USH2A: variants seen among roughly 807,000 people sequenced by gnomAD.
The protein encoded by USH2A is usherin.
In USH2A, 443 loss-of-function variants were observed where a neutral mutation model predicts 538.9. The observed-to-expected ratio is 0.82, with a 90% CI of 0.76 to 0.89. The LOEUF is 0.89. USH2A is among the 40% of genes least tolerant of loss of function. USH2A has a pLI of 0.00. For synonymous variants in USH2A, 2,413 were observed against 2,273.5 expected (o/e 1.06, Z -1.75); for missense variants, 6,633 against 6,324.8 (o/e 1.05, Z -1.65).
chr1:216,049,118 A>G (rs1206563338), intron 30 of USH2A, among the ~76,000 whole-genome samples: 1 of 152,220 alleles, frequency 6.6e-6, no homozygotes, highest in African/African-American at 2.4e-5. Context: ...TGCTACTCCC[A>G]AGAGTGGCTT....
chr1:215,765,068 T>G (rs921265050), intron 56 of USH2A, among the ~76,000 whole-genome samples: 1 of 152,112 alleles, frequency 6.6e-6, no homozygotes, highest in Non-Finnish European at 1.5e-5. Flanking sequence ...ATGTAAGTCA[T>G]TTCAAGAAAT....
chr1:215,779,130 G>A (rs1302007924), intron 55 of USH2A, among the ~76,000 whole-genome samples: 1 of 152,200 alleles, frequency 6.6e-6, no homozygotes, highest in African/African-American at 2.4e-5. Context: ...ATCAGGCAGT[G>A]AGAGGTCTAT....
At position 216,259,211 on chromosome 1, in the gene USH2A, C is replaced by T. The variant is rs562555813; in HGVS notation, c.1972-8113G>A. 3.4e-4 allele frequency among the ~76,000 whole-genome samples: 51 copies of T among 152,050 alleles called. No homozygotes were observed. The South Asian group carries it at 9.8e-3, about 29-fold the overall frequency. On this transcript the variant is annotated intron_variant, in intron 11 of 71. Transcript: ENST00000307340. ...ATTAGCAGAGGTGAAATGCACACTGCGATGTTTAGAAGCTTAAGAAATAGC... is the reference window on the plus strand; with the variant it reads ...ATTAGCAGAGGTGAAATGCACACTGTGATGTTTAGAAGCTTAAGAAATAGC...
At chr1:215,898,920 T>C (rs1665418163) in intron 40 of USH2A, among the ~76,000 whole-genome samples, 1 of 152,174 alleles carries the variant, frequency 6.6e-6, no homozygotes, top group Admixed American at 6.5e-5. Flanking sequence ...AATGATACCC[T>C]TGAGAACAAA....
At chr1:215,629,845 G>C (rs1206912532) in intron 70 of USH2A, among the ~76,000 whole-genome samples, 6 of 142,180 alleles carry the variant, frequency 4.2e-5, no homozygotes, top group Non-Finnish European at 7.5e-5. Flanking sequence ...GTGCAATCTC[G>C]GCTCACTGCA....
chr1:215,970,698 C>T lies in USH2A; in HGVS notation c.6884G>A (p.Gly2295Glu). 1 of 1,613,686 alleles carries T rather than the reference C, an allele frequency of 6.2e-7. No homozygotes were observed. Among genetic ancestry groups the T allele is most frequent in the Non-Finnish European group, 8.5e-7 (1 of 1,179,732 alleles). Reference sequence around the variant, plus strand: ...GGAATGTAAACTCCAAGGAGCAAATCCGTAAGCACGATAGCTGAGTTCTGA... The same window carrying T: ...GGAATGTAAACTCCAAGGAGCAAATTCGTAAGCACGATAGCTGAGTTCTGA... ...NSSELSYRAY[G>E]FAPWSLHSFR... Residue 2295 changes from glycine (G) to glutamate (E), a missense_variant, in exon 36 of 72, where the codon GGA (glycine) becomes GAA (glutamate). Transcript: ENST00000307340.
At chr1:216,021,944 T>C (rs1244004366) in intron 32 of USH2A, among the ~76,000 whole-genome samples, 1 of 152,082 alleles carries the variant, frequency 6.6e-6, no homozygotes, top group African/African-American at 2.4e-5. Flanking sequence ...CATGAGTGGC[T>C]TGGCATCATT....
chr1:216,044,242 G>A (rs2030419984), intron 32 of USH2A, among the ~76,000 whole-genome samples: 1 of 152,130 alleles, frequency 6.6e-6, no homozygotes, highest in Non-Finnish European at 1.5e-5. Context: ...CACGTGGGGA[G>A]CAAAAGGATT....
intron 69 of USH2A, among the ~76,000 whole-genome samples, chr1:215,636,135 A>G (rs1656476228): frequency 6.6e-6 from 1 of 152,172 alleles, no homozygotes; most frequent in African/African-American, 2.4e-5. Context: ...CAGAAGAACA[A>G]GCAGACACAA....
At chr1:216,319,539 A>G (rs2037568581) in intron 9 of USH2A, among the ~76,000 whole-genome samples, 1 of 152,306 alleles carries the variant, frequency 6.6e-6, no homozygotes, top group South Asian at 2.1e-4. Context: ...GCAAGTATTG[A>G]CTAATGGTGA....
At chr1:216,090,907 A>T (rs1453075242) in intron 22 of USH2A, among the ~76,000 whole-genome samples, 2 of 152,168 alleles carry the variant, frequency 1.3e-5, no homozygotes, top group Admixed American at 1.3e-4. Flanking sequence ...AGTTAGCGTT[A>T]AAATTGTTAC....
chr1:216,117,243 AC>A (rs1558267038), intron 21 of USH2A, among the ~76,000 whole-genome samples: 2 of 152,122 alleles, frequency 1.3e-5, no homozygotes, highest in African/African-American at 2.4e-5. Context: ...GAATACCTAA[AC>A]TATCATTATG....
At chr1:216,301,707 T>A (rs1303919220) in intron 9 of USH2A, among the ~76,000 whole-genome samples, 6 of 152,194 alleles carry the variant, frequency 3.9e-5, no homozygotes, top group Admixed American at 1.3e-4. Flanking sequence ...AGTGAAAGAT[T>A]ATAAAATGAT....
chr1:215,970,119 G>A (rs1012407414), intron 36 of USH2A, among the ~76,000 whole-genome samples: 1 of 152,082 alleles, frequency 6.6e-6, no homozygotes, highest in Non-Finnish European at 1.5e-5. Context: ...AGCTGATATT[G>A]ATGTAATTTT....
chr1:215,810,271 TATA>T (rs1243757081), intron 49 of USH2A, among the ~76,000 whole-genome samples: 1 of 152,200 alleles, frequency 6.6e-6, no homozygotes, highest in Non-Finnish European at 1.5e-5. Context: ...TAAAGGCTTA[TATA>T]ATATCAATGA....
chr1:216,141,734 A>T (rs2033607314), intron 21 of USH2A, among the ~76,000 whole-genome samples: 1 of 152,170 alleles, frequency 6.6e-6, no homozygotes, highest in East Asian at 1.9e-4. Context: ...TACTTTAAAC[A>T]TACATCATTA....
Position 215,867,070 on chromosome 1 carries a change from C to T in USH2A, c.8782G>A (p.Gly2928Arg), listed in dbSNP as rs1664490756. Residue 2928 changes from glycine (G) to arginine (R), a missense_variant, in exon 44 of 72, where the codon GGA (glycine) becomes AGA (arginine). Coordinates refer to ENST00000307340, the MANE Select transcript of USH2A (RefSeq NM_206933.4). ...AGGACACTCGCAGTGAGATTGGCTC[C>T]TCTCTCTGGAAGACCAGCTAACGTT... Reference protein sequence around the residue: ...VTTLAGLPERGANLTASVLNH... With the variant: ...VTTLAGLPERRANLTASVLNH... 1.2e-6 allele frequency: 2 copies of T among 1,614,168 alleles called. No homozygotes were observed. Among genetic ancestry groups the T allele is most frequent in the South Asian group, 1.1e-5 (1 of 91,084 alleles).
intron 30 of USH2A, among the ~76,000 whole-genome samples, chr1:216,051,431 T>C (rs2030781145): frequency 6.6e-6 from 1 of 152,276 alleles, no homozygotes; most frequent in Non-Finnish European, 1.5e-5. Context: ...AGCCATTCTA[T>C]CTTTAGCAAA....
At chr1:216,048,048 C>T (rs2030596657) in intron 31 of USH2A, among the ~76,000 whole-genome samples, 1 of 152,152 alleles carries the variant, frequency 6.6e-6, no homozygotes, top group African/African-American at 2.4e-5. Flanking sequence ...ATTAATAATG[C>T]CTCAATTGGC....
Sources: gnomAD v4.1 joint callset for allele counts (sites outside exome capture counted in the v4.1 genomes callset) on GRCh38, gnomAD v4.1.1 for gene constraint, MANE v1.5 for transcripts, NCBI Gene and HGNC (gene_info 2026-07-23, HGNC 2026-07-21) for gene names.